MZT2A: variants seen among roughly 807,000 people sequenced by gnomAD.
MZT2A encodes the protein mitotic spindle organizing protein 2A, also known as mitotic-spindle organizing protein 2A.
MZT2A carries 8 observed loss-of-function variants against 12.4 expected under a neutral mutation model. That is an observed-to-expected ratio of 0.64 (90% confidence interval 0.38 to 1.16). The LOEUF is 1.16. Among genes scored for constraint, MZT2A ranks in the 50% most tolerant of loss-of-function variants. The pLI is 0.01. For synonymous variants in MZT2A, 88 were observed against 107.5 expected, an observed-to-expected ratio of 0.82 and a Z score of 1.12; for missense variants, 181 against 223.6, an observed-to-expected ratio of 0.81 and a Z score of 1.22.
At chr2:131,480,650 C>T (rs1391615031), downstream of MZT2A, 2 of 1,613,684 alleles carry the variant, frequency 1.2e-6, no homozygotes, top group Non-Finnish European at 1.7e-6. Flanking sequence ...GCATGTTGTA[C>T]AGGGGGGACG....
intron 2 of MZT2A, among the ~76,000 whole-genome samples, chr2:131,476,933 AG>A (rs1678691025): frequency 7.0e-6 from 1 of 143,320 alleles, no homozygotes; most frequent in Non-Finnish European, 1.5e-5. Context: ...CCTGCCTCAA[AG>A]ACACAAACAA....
At chr2:131,490,927 A>G (rs1298590405) in intron 2 of MZT2A, 1 of 1,549,670 alleles carries the variant, frequency 6.5e-7, no homozygotes, top group Non-Finnish European at 8.7e-7. Context: ...GAGAGCAGAC[A>G]GAGCGAGGGT....
intron 2 of MZT2A, among the ~76,000 whole-genome samples, chr2:131,486,085 G>A (rs10196576): frequency 0.15 from 21,088 of 143,946 alleles, 3,143 homozygotes; most frequent in African/African-American, 0.38. Context: ...GTCACACTTG[G>A]CTGAACAAAG....
chr2:131,480,446 C>T, downstream of MZT2A: 1 of 1,589,412 alleles, frequency 6.3e-7, no homozygotes, highest in Non-Finnish European at 8.5e-7. Flanking sequence ...TGAATGTGGA[C>T]TTGACGGAAT....
chr2:131,492,125 C>T, intron 1 of MZT2A, 82 bp downstream of exon 1: 1 of 1,547,230 alleles, frequency 6.5e-7, no homozygotes, highest in Non-Finnish European at 8.7e-7. Context: ...GGGGGCTCCT[C>T]CCGACCAGCG....
Position 131,484,091 on chromosome 2 carries a change from A to T in MZT2A, c.447T>A (p.Pro149=). 1.9e-6 allele frequency: 3 copies of T among 1,613,440 alleles called. No individual in the cohort carries two copies. ...TGCTGCCCTGCGTAGGGCTCTTCCC[A>T]GGCCCGCCCCCCTTGGGCAGCCTGG... ...SATRLPKGGG[P]GKSPTQGST Residue 149 remains proline, a synonymous_variant, in exon 3 of 3, where the codon CCT becomes CCA. Coordinates refer to ENST00000309451, the MANE Select transcript of MZT2A (RefSeq NM_001085365.2).
intron 2 of MZT2A, among the ~76,000 whole-genome samples, chr2:131,487,648 G>A (rs1257949247): frequency 5.3e-5 from 8 of 152,348 alleles, no homozygotes; most frequent in Non-Finnish European, 1.2e-4. Context: ...AATGGGTGGG[G>A]TCTTGCTATG....
At chr2:131,482,879 C>T (rs542288784), downstream of MZT2A, 2 of 1,596,578 alleles carry the variant, frequency 1.3e-6, no homozygotes, top group South Asian at 1.1e-5. Context: ...TCCCCTGCCA[C>T]CCCCGGGATG....
chr2:131,490,445 T>C, intron 2 of MZT2A: 3 of 1,331,412 alleles, frequency 2.3e-6, no homozygotes, highest in South Asian at 3.2e-5. Flanking sequence ...AGAGGGGCTC[T>C]TTACACTCAC....
At position 131,472,812 on chromosome 2, in the gene MZT2A, G is replaced by A. The variant is rs528462805; in HGVS notation, c.279-630C>T. The stretch of plus-strand genomic sequence containing the variant: ...ACGTATCCCAGCCGCTGAAGGACGC[G>A]TGGCTGGACTGAAGAGCACCGTGTG... On this transcript the variant is annotated intron_variant and NMD_transcript_variant, in intron 2 of 4. Coordinates refer to the MZT2A transcript ENST00000427024. 1.5e-3 allele frequency among the ~76,000 whole-genome samples: 230 copies of A among 152,248 alleles called. 2 individuals carry two copies. Among genetic ancestry groups the A allele is most frequent in the South Asian group, 3.9e-3 (19 of 4,828 alleles).
chr2:131,493,085 C>G (rs541186528), upstream of MZT2A: 5 of 1,493,950 alleles, frequency 3.3e-6, 1 homozygote, highest in South Asian at 6.4e-5. Flanking sequence ...CGTTTTGGCG[C>G]GGTGGCGGAA....
chr2:131,490,688 C>G lies in MZT2A; in HGVS notation c.319+1188G>C, dbSNP rs112793628. On this transcript the variant is annotated intron_variant, in intron 2 of 2. Transcript: ENST00000309451. ...TGAAAACAAGGAAGAGCACCAACCC[C>G]CAGAGATAAGCCAATAAACGCAACC... The G allele has an allele frequency of 6.4e-5, 99 of 1,549,498 alleles. No individual in the cohort carries two copies. In the African/African-American group the frequency reaches 1.1e-3, roughly 17 times the overall value.
intron 2 of MZT2A, chr2:131,491,300 T>A (rs1679289344): frequency 3.3e-6 from 1 of 299,182 alleles, no homozygotes; most frequent in Non-Finnish European, 6.5e-6. Context: ...GAGTTCCGCG[T>A]CTAACTCTCT....
intron 2 of MZT2A, chr2:131,478,176 T>C (rs146767427): frequency 1.5e-5 from 25 of 1,613,540 alleles, no homozygotes; most frequent in Non-Finnish European, 2.1e-5. Context: ...CGAGTGTATC[T>C]CTATCCACGT....
upstream of MZT2A, chr2:131,493,040 C>G: frequency 6.7e-7 from 1 of 1,484,894 alleles, no homozygotes; most frequent in South Asian, 1.3e-5. Context: ...CCCGCCCGGC[C>G]GCGGGGCGTG....
chr2:131,491,368 C>G (rs1679294239), intron 2 of MZT2A: 1 of 272,288 alleles, frequency 3.7e-6, no homozygotes, highest in Non-Finnish European at 7.1e-6. Context: ...AGGAAGACGT[C>G]TGCCTGCCCT....
upstream of MZT2A, chr2:131,492,754 A>C (rs543261016): frequency 1.1e-4 from 105 of 956,030 alleles, 1 homozygote; most frequent in African/African-American, 2.0e-3. Flanking sequence ...TCTGGTCCGC[A>C]CCGGTGCACC....
At chr2:131,490,896 G>A in intron 2 of MZT2A, 1 of 1,549,926 alleles carries the variant, frequency 6.5e-7, no homozygotes, top group Non-Finnish European at 8.7e-7. Context: ...GAGGCCTCTG[G>A]AGGTCAGAGA....
At chr2:131,482,433 G>C, downstream of MZT2A, 2 of 1,432,562 alleles carry the variant, frequency 1.4e-6, no homozygotes, top group Non-Finnish European at 1.9e-6. Flanking sequence ...TGACGTTTGT[G>C]AGGTGAACTG....
Sources: allele counts gnomAD v4.1 joint callset (sites outside exome capture counted in the v4.1 genomes callset), GRCh38; gene constraint gnomAD v4.1.1; transcripts MANE v1.5; gene names NCBI Gene and HGNC (gene_info 2026-07-23, HGNC 2026-07-21).